TJP3: variants seen among roughly 807,000 people sequenced by gnomAD.
TJP3 encodes tight junction protein 3.
TJP3 carries 85 observed loss-of-function variants against 104.2 expected under a neutral mutation model. That is an observed-to-expected ratio of 0.82 (90% confidence interval 0.68 to 0.98). The LOEUF (loss-of-function observed/expected upper bound fraction) is 0.98, where lower values mean the gene tolerates loss of function less well. Ranked by LOEUF, TJP3 falls within the 50% of genes least tolerant of loss-of-function variation. TJP3 has a pLI of 0.00. For synonymous variants in TJP3, 550 were observed against 550.6 expected (o/e 1.00, Z 0.02); for missense variants, 1,367 against 1,322.8 (o/e 1.03, Z -0.52).
At chr19:3,710,798 G>A (rs1441846816) in intron 1 of TJP3, among the ~76,000 whole-genome samples, 1 of 152,132 alleles carries the variant, frequency 6.6e-6, no homozygotes, top group Non-Finnish European at 1.5e-5. Flanking sequence ...CTCTCGTGGG[G>A]CGCATATTTT....
Position 3,739,096 on chromosome 19 carries a change from G to A in TJP3, c.1593G>A (p.Leu531=). 6.3e-7 allele frequency: 1 copy of A among 1,585,504 alleles called. No homozygotes were observed. Among genetic ancestry groups the A allele is most frequent in the Non-Finnish European group, 8.6e-7 (1 of 1,162,706 alleles). ...HWLAVRMGRD[L]REQERGIIPN... ...TGGCGGTGCGCATGGGTCGTGACCT[G>A]CGGGAGCAAGAGCGGGGCATCATTC... is the stretch of plus-strand genomic sequence containing the variant. Residue 531 remains leucine (L), a synonymous_variant, in exon 13 of 21, where the codon CTG becomes CTA. Transcript: ENST00000541714.
Position 3,744,030 on chromosome 19 carries a change from C to A in TJP3, c.1935C>A (p.Ile645=). The A allele has an allele frequency of 6.2e-7, 1 of 1,613,782 alleles. No homozygotes were observed. The highest frequency in any genetic ancestry group is 8.5e-7 in the Non-Finnish European group (1 of 1,179,810). The stretch of plus-strand genomic sequence containing the variant: ...CTGAGATGCCTGACCAGTTTGAAAT[C>A]GCAGGTGAGAAGCCAGATCCTCTGG... The part of the protein sequence containing the change: ...LTAEMPDQFE[I]AETVSRTDSP... The change falls in exon 15 of 21, where the codon ATC becomes ATA. Residue 645 remains isoleucine, a synonymous_variant. Coordinates refer to ENST00000541714, the MANE Select transcript of TJP3 (RefSeq NM_001267560.2).
intron 6 of TJP3, 48 bp downstream of exon 6, chr19:3,732,086 G>T (rs1272863370): frequency 2.6e-6 from 4 of 1,539,172 alleles, no homozygotes; most frequent in Non-Finnish European, 2.7e-6. Context: ...AGGCAGGGTT[G>T]GGGCGGGCAG....
intron 9 of TJP3, 101 bp from the exon 10 acceptor site, chr19:3,735,768 G>C: frequency 1.3e-6 from 2 of 1,575,098 alleles, no homozygotes; most frequent in East Asian, 2.2e-5. Context: ...AGAAGGACTC[G>C]AGGTGGGTGA....
At position 3,734,394 on chromosome 19, in the gene TJP3, T is replaced by C; in HGVS notation, c.945T>C (p.His315=). The change falls in exon 8 of 21, where the codon CAT becomes CAC. Residue 315 remains histidine (H), a synonymous_variant. Transcript: ENST00000541714. ...CCCACATCCCACCACCACCCCGGCA[T>C]GCTCAGCGGAGCCCCGAGGCCAGCC... The part of the protein sequence containing the change: ...PPSHIPPPPR[H]AQRSPEASQT... The C allele has an allele frequency of 6.2e-7, 1 of 1,612,968 alleles. No homozygotes were observed. The highest frequency in any genetic ancestry group is 8.5e-7 in the Non-Finnish European group (1 of 1,179,868).
chr19:3,720,453 C>T (rs576352561), intron 1 of TJP3, among the ~76,000 whole-genome samples: 5 of 152,278 alleles, frequency 3.3e-5, no homozygotes, highest in Non-Finnish European at 5.9e-5. Flanking sequence ...GGCAGCCTTT[C>T]TTTTACCGCT....
At chr19:3,744,392 G>A (rs1465000166) in intron 15 of TJP3, among the ~76,000 whole-genome samples, 2 of 152,212 alleles carry the variant, frequency 1.3e-5, no homozygotes, top group Non-Finnish European at 2.9e-5. Flanking sequence ...ATGGCCGGGT[G>A]CGGTGGCTCA....
In TJP3 at chr19:3,746,626, C is replaced by G. The variant is rs34479626; in HGVS notation, c.2152C>G (p.Arg718Gly). 394 of 1,613,206 alleles carry G rather than the reference C, an allele frequency of 2.4e-4. 2 individuals carry two copies. The African/African-American group carries it at 4.4e-3, about 18-fold the overall frequency. The change falls in exon 17 of 21, where the codon CGC (arginine) becomes GGC (glycine). Residue 718 changes from arginine to glycine, a missense_variant. Arg to Gly is a moderately radical substitution (Grantham distance 125). Coordinates refer to ENST00000541714, the MANE Select transcript of TJP3 (RefSeq NM_001267560.2). This position sits in a 1 kb window ranked among gnomAD's most constrained non-coding sequence, Gnocchi z 4.1. Reference sequence around the variant, plus strand: ...GCGCCAGTGGCTGGCGCCTGCCTCCCGCCGCAGCACCCGTCGCCTCTACGC... The same window carrying G: ...GCGCCAGTGGCTGGCGCCTGCCTCCGGCCGCAGCACCCGTCGCCTCTACGC... ...ALRQWLAPAS[R>G]RSTRRLYAQA... is the part of the protein sequence containing the mutation.
intron 6 of TJP3, among the ~76,000 whole-genome samples, chr19:3,733,029 TTTTTC>T (rs60518145): frequency 7.3e-5 from 11 of 150,018 alleles, no homozygotes; most frequent in South Asian, 2.1e-4. Context: ...TCTCTTCTCT[TTTTTC>T]TTTTCTTTTC....
At chr19:3,736,415 C>T (rs2036740993) in intron 11 of TJP3, 94 bp downstream of exon 11, 1 of 1,315,356 alleles carries the variant, frequency 7.6e-7, no homozygotes, top group Non-Finnish European at 9.9e-7. Flanking sequence ...CTTGGGTCCA[C>T]CTGGGGACTG....
At chr19:3,710,244 G>T (rs1301074371) in intron 1 of TJP3, among the ~76,000 whole-genome samples, 1 of 151,308 alleles carries the variant, frequency 6.6e-6, no homozygotes, top group African/African-American at 2.4e-5. Flanking sequence ...ACAGATTCTC[G>T]GTCATTCTGG....
Position 3,729,989 on chromosome 19 carries a change from T to A in TJP3, c.159-39T>A, listed in dbSNP as rs758267906. On this transcript the variant is annotated intron_variant, in intron 3 of 20. Coordinates refer to ENST00000541714, the MANE Select transcript of TJP3 (RefSeq NM_001267560.2). ...GAGGGCTTGTTACGAGGGTCTCCCC[T>A]GCAAAGCCTCCTCCGTAAGACCCGC... is the stretch of plus-strand genomic sequence containing the variant. 3.8e-6 allele frequency: 6 copies of A among 1,587,890 alleles called. 1 individual carries two copies. The South Asian group carries it at 6.6e-5, about 18-fold the overall frequency.
In TJP3 at chr19:3,744,689, A is replaced by G. The variant is rs552443976; in HGVS notation, c.1939+655A>G. Among the ~76,000 whole-genome samples, 219 of 150,120 alleles carry G rather than the reference A, an allele frequency of 1.5e-3. 1 individual carries two copies. The highest frequency in any genetic ancestry group is 9.2e-4 in the Non-Finnish European group (62 of 67,594). On this transcript the variant is annotated intron_variant, in intron 15 of 20. Coordinates refer to ENST00000541714, the MANE Select transcript of TJP3 (RefSeq NM_001267560.2). ...AAAAAAAAAAACAAAAACAATTAAG[A>G]TAGACTAGGAGGCCGGGCGCAGTGG...
chr19:3,717,929 A>AAG (rs926729615), intron 1 of TJP3, among the ~76,000 whole-genome samples: 1 of 150,548 alleles, frequency 6.6e-6, no homozygotes, highest in African/African-American at 2.4e-5. Flanking sequence ...AAAAAAAAAA[A>AAG]AAAAGGCCGG....
chr19:3,716,801 A>ATTTTTT (rs1215459660), intron 1 of TJP3, among the ~76,000 whole-genome samples: 5 of 81,936 alleles, frequency 6.1e-5, no homozygotes, highest in African/African-American at 1.5e-4. Context: ...ATATATATAT[A>ATTTTTT]TTTTTTTTTT....
At chr19:3,748,137 C>T in intron 19 of TJP3, 56 bp downstream of exon 19, 1 of 1,482,862 alleles carries the variant, frequency 6.7e-7, no homozygotes, top group Non-Finnish European at 9.0e-7. Flanking sequence ...GATGCCAGCA[C>T]AGAGCAGACA....
intron 6 of TJP3, among the ~76,000 whole-genome samples, chr19:3,732,885 T>G (rs923466551): frequency 6.6e-6 from 1 of 152,100 alleles, no homozygotes; most frequent in African/African-American, 2.4e-5. Context: ...CCTCAGGTGA[T>G]CCATCCGCCT....
intron 11 of TJP3, among the ~76,000 whole-genome samples, chr19:3,737,196 T>C (rs555389484): frequency 2.0e-5 from 3 of 148,716 alleles, no homozygotes; most frequent in Admixed American, 2.0e-4. Context: ...ACAACAATCT[T>C]GTTGTTCATG....
chr19:3,724,218 C>T (rs574837935), intron 1 of TJP3, among the ~76,000 whole-genome samples: 199 of 151,374 alleles, frequency 1.3e-3, no homozygotes, highest in Non-Finnish European at 2.5e-3. Flanking sequence ...TTTTTTGAGA[C>T]GGAGTTTCCC....
Sources: allele counts gnomAD v4.1 joint callset (sites outside exome capture counted in the v4.1 genomes callset), GRCh38; gene constraint gnomAD v4.1.1; non-coding constraint Gnocchi (gnomAD v3.1); transcripts MANE v1.5; gene names NCBI Gene and HGNC (gene_info 2026-07-23, HGNC 2026-07-21).